The following BECN1 variants were observed in gnomAD, a reference collection of about 807,000 sequenced individuals.
BECN1 encodes the protein beclin-1.
A neutral mutation model predicts 60.1 loss-of-function variants in BECN1; 15 were observed. The observed-to-expected ratio is 0.25, with a 90% CI of 0.17 to 0.38. BECN1 has a LOEUF of 0.38. Among genes scored for constraint, BECN1 ranks in the 10% least tolerant of loss-of-function variants. BECN1 has a pLI of 1.00. For missense variants in BECN1, 424 were observed against 548.2 expected (o/e 0.77, Z 2.26); for synonymous variants, 179 against 201.8 (o/e 0.89, Z 0.96).
intron 7 of BECN1, 47 bp from the exon 8 acceptor site, chr17:42,816,101 A>G (rs376503571): frequency 4.6e-6 from 7 of 1,520,584 alleles, no homozygotes; most frequent in Non-Finnish European, 6.2e-6. Flanking sequence ...CTTGGGGGCT[A>G]AAGTTTCTCT....
intron 4 of BECN1, chr17:42,819,109 A>T (rs2055207801): frequency 2.0e-5 from 11 of 552,610 alleles, no homozygotes; most frequent in Non-Finnish European, 3.5e-5. Flanking sequence ...AAGGAGGGAG[A>T]GGGAGCATAA....
At position 42,818,408 on chromosome 17, in the gene BECN1, A is replaced by C. The variant is rs143622099; in HGVS notation, c.496T>G (p.Leu166Val). 9.9e-6 allele frequency: 16 copies of C among 1,614,026 alleles called. No individual in the cohort carries two copies. Among genetic ancestry groups the C allele is most frequent in the Non-Finnish European group, 1.3e-5 (15 of 1,180,024 alleles). Residue 166 changes from leucine to valine, a missense_variant, in exon 7 of 12, where the codon TTG becomes GTG. This residue lies in a region of BECN1 where 326 missense variants were observed against 406.2 expected (regional missense o/e 0.80). Coordinates refer to ENST00000590099, the MANE Select transcript of BECN1 (RefSeq NM_001313998.2). ...TCATTCATTTGCTCTAAGATCTCCAAACAGCGTCTGCCAAAGACACAGGCA... is the reference window on the plus strand; with the variant it reads ...TCATTCATTTGCTCTAAGATCTCCACACAGCGTCTGCCAAAGACACAGGCA... Reference protein sequence around the residue: ...ENECQNYKRCLEILEQMNEDD... With the variant: ...ENECQNYKRCVEILEQMNEDD...
chr17:42,818,765 C>T (rs2055199006), intron 5 of BECN1, 22 bp downstream of exon 5: 3 of 1,613,908 alleles, frequency 1.9e-6, no homozygotes, highest in Non-Finnish European at 2.5e-6. Flanking sequence ...TACTGCTTGC[C>T]ACCGGAATGG....
At chr17:42,811,567 T>C in intron 11 of BECN1, 88 bp downstream of exon 11, 4 of 1,518,632 alleles carry the variant, frequency 2.6e-6, no homozygotes, top group South Asian at 1.3e-5. Context: ...TCCCACCATT[T>C]ATACTGTTTT....
At chr17:42,821,381 T>C (rs1194203859) in intron 2 of BECN1, among the ~76,000 whole-genome samples, 1 of 152,180 alleles carries the variant, frequency 6.6e-6, no homozygotes, top group African/African-American at 2.4e-5. Flanking sequence ...AGAATCCTTA[T>C]CTGTCAAAAA....
chr17:42,822,031 C>T (rs1367751182), intron 2 of BECN1, among the ~76,000 whole-genome samples: 3 of 152,098 alleles, frequency 2.0e-5, no homozygotes, highest in African/African-American at 4.8e-5. Context: ...ATAGTGAAAC[C>T]GTCTCTACTA....
Position 42,810,705 on chromosome 17 carries a change from G to C in BECN1, c.*55C>G. On this transcript the variant is annotated 3_prime_UTR_variant, in exon 12 of 12. Transcript: ENST00000590099. Reference sequence around the variant, plus strand: ...CCCGAATTTAATTTAAAACATGTTTGCAAACAAAACAAAATTAAAAGCCTT... The same window carrying C: ...CCCGAATTTAATTTAAAACATGTTTCCAAACAAAACAAAATTAAAAGCCTT... The C allele has an allele frequency of 2.7e-6, 4 of 1,497,332 alleles. No individual in the cohort carries two copies. The highest frequency in any genetic ancestry group is 3.6e-6 in the Non-Finnish European group (4 of 1,111,862). 92.8% of individuals were successfully genotyped at this position (1,497,332 alleles called of 1,614,324 possible).
At position 42,823,748 on chromosome 17, in the gene BECN1, C is replaced by G. The variant is rs754436466; in HGVS notation, c.130G>C (p.Ala44Pro). 1 of 1,613,710 alleles carries G rather than the reference C, an allele frequency of 6.2e-7. No individual in the cohort carries two copies. Among genetic ancestry groups the G allele is most frequent in the Non-Finnish European group, 8.5e-7 (1 of 1,179,728 alleles). Residue 44 changes from alanine to proline, a missense_variant and splice_region_variant, in exon 2 of 12, where the codon GCT becomes CCT. By Grantham distance (27) the Ala-to-Pro change is conservative (BLOSUM62 -1). Coordinates refer to ENST00000590099, the MANE Select transcript of BECN1 (RefSeq NM_001313998.2). ...LDRVTIQELT[A>P]PLLTTAQAKP... is the part of the protein sequence containing the mutation. Reference sequence around the variant, plus strand: ...CCCTCTTTCCAAGGGTCTCGCTGACCTGTGAGTTCCTGGATGGTGACACGG... The same window carrying G: ...CCCTCTTTCCAAGGGTCTCGCTGACGTGTGAGTTCCTGGATGGTGACACGG...
chr17:42,813,858 A>T, intron 10 of BECN1, 90 bp downstream of exon 10: 1 of 961,144 alleles, frequency 1.0e-6, no homozygotes, highest in Non-Finnish European at 1.6e-6. Context: ...CTAAAAAATA[A>T]ATTGAATGCC....
rs1292147005 is a variant in BECN1, at chr17:42,813,989, C to T, written c.1000G>A (p.Gly334Arg). 1.2e-6 allele frequency: 2 copies of T among 1,604,560 alleles called. No individual in the cohort carries two copies. The highest frequency in any genetic ancestry group is 2.2e-5 in the East Asian group (1 of 44,680). The change falls in exon 10 of 12, where the codon GGA becomes AGA. Residue 334 changes from glycine to arginine, a missense_variant. Gly to Arg is a moderately radical substitution (Grantham distance 125). Coordinates refer to ENST00000590099, the MANE Select transcript of BECN1 (RefSeq NM_001313998.2). Reference protein sequence around the residue: ...KFQRYRLVPYGNHSYLESLTD... With the variant: ...KFQRYRLVPYRNHSYLESLTD... The stretch of plus-strand genomic sequence containing the variant: ...AGAGACTCCAGATATGAATGGTTTC[C>T]GTAAGGAACAAGTCGGTATCTAAAA...
Position 42,818,524 on chromosome 17 carries a change from C to T in BECN1, c.488+20G>A, listed in dbSNP as rs1237049541. On this transcript the variant is annotated intron_variant, in intron 6 of 11. Coordinates refer to ENST00000590099, the MANE Select transcript of BECN1 (RefSeq NM_001313998.2). ...CTCAGAGCAGTAACAGCTCTGAGCC[C>T]TGGCTCTGGAGACACTCACTTGTAG... The T allele has an allele frequency of 1.2e-6, 2 of 1,613,986 alleles. No homozygotes were observed. Among genetic ancestry groups the T allele is most frequent in the Non-Finnish European group, 1.7e-6 (2 of 1,179,966 alleles).
chr17:42,814,890 T>C, intron 8 of BECN1: 1 of 576,986 alleles, frequency 1.7e-6, no homozygotes, highest in Non-Finnish European at 3.0e-6. Flanking sequence ...CCTTGAATGC[T>C]CCCTCAGCTC....
chr17:42,811,631 C>G, intron 11 of BECN1, 24 bp downstream of exon 11: 1 of 1,600,340 alleles, frequency 6.2e-7, no homozygotes, highest in Non-Finnish European at 8.5e-7. Context: ...TATACAAGTT[C>G]ACTCAGCATT....
chr17:42,819,702 G>C (rs1462368233), intron 3 of BECN1, 93 bp from the exon 4 acceptor site: 10 of 1,272,046 alleles, frequency 7.9e-6, no homozygotes, highest in Non-Finnish European at 1.1e-5. Flanking sequence ...CTTTAGTCTT[G>C]ATAACCACAA....
At position 42,818,678 on chromosome 17, in the gene BECN1, G is replaced by A. The variant is rs1027731532; in HGVS notation, c.354C>T (p.Val118=). Residue 118 remains valine (V), a splice_region_variant and synonymous_variant, in exon 6 of 12, where the codon GTC becomes GTT. Transcript: ENST00000590099. ...TMENLSRRLK[V]TGDLFDIMSG... ...ACATGATGTCAAAAAGGTCCCCAGT[G>A]ACCTGGAAGTGTGGGAGAGTCAGGG... The A allele has an allele frequency of 6.2e-7, 1 of 1,614,082 alleles. No homozygotes were observed. The highest frequency in any genetic ancestry group is 1.3e-5 in the African/African-American group (1 of 74,922).
At chr17:42,822,191 G>C (rs1005727679) in intron 2 of BECN1, among the ~76,000 whole-genome samples, 74 of 152,288 alleles carry the variant, frequency 4.9e-4, no homozygotes, top group African/African-American at 1.7e-3. Flanking sequence ...AACAGAGTGA[G>C]ACTCCGTCTC....
At chr17:42,819,996 TTA>T (rs1427406792) in intron 3 of BECN1, among the ~76,000 whole-genome samples, 1 of 152,092 alleles carries the variant, frequency 6.6e-6, no homozygotes, top group East Asian at 1.9e-4. Flanking sequence ...AGTAGAAAAT[TTA>T]TATGTTTTCA....
chr17:42,815,869 A>G, intron 8 of BECN1, 39 bp downstream of exon 8: 1 of 1,613,574 alleles, frequency 6.2e-7, no homozygotes, highest in Non-Finnish European at 8.5e-7. Flanking sequence ...GCTAAGGTCT[A>G]GATATGTGCA....
chr17:42,814,511 C>T lies in BECN1; in HGVS notation c.980+13G>A. 4.3e-6 allele frequency: 7 copies of T among 1,614,006 alleles called. No homozygotes were observed. Among genetic ancestry groups the T allele is most frequent in the Non-Finnish European group, 5.9e-6 (7 of 1,179,944 alleles). On this transcript the variant is annotated intron_variant, in intron 9 of 11. Transcript: ENST00000590099. ...ATGCACATCACTCCCCAAGAAAGGG[C>T]TACACTTCCTACCTCTGAAATTTCA... is the stretch of plus-strand genomic sequence containing the variant.
Sources: gnomAD v4.1 joint callset for allele counts (sites outside exome capture counted in the v4.1 genomes callset) on GRCh38, gnomAD v4.1.1 for gene constraint, gnomAD v4.1.1 regional missense constraint, MANE v1.5 for transcripts, NCBI Gene and HGNC (gene_info 2026-07-23, HGNC 2026-07-21) for gene names.